Variants in UNC13B observed in about 807,000 individuals in gnomAD.
UNC13B encodes protein unc-13 homolog B.
Under a neutral mutation model 211.0 loss-of-function variants are expected in UNC13B, and 144 were observed. That is an observed-to-expected ratio of 0.68 (90% CI 0.60 to 0.78). The LOEUF (loss-of-function observed/expected upper bound fraction) is 0.78, where lower values mean the gene tolerates loss of function less well. UNC13B is among the 30% of genes least tolerant of loss of function. The pLI, the probability that UNC13B is intolerant of heterozygous loss-of-function variation, is 0.00. For synonymous variants in UNC13B, 709 were observed against 725.8 expected (o/e 0.98, Z 0.37); for missense variants, 1,777 against 2,002.0 (o/e 0.89, Z 2.14).
Position 35,378,363 on chromosome 9 carries a change from G to T in UNC13B, c.10132G>T (p.Val3378Phe). 1 of 1,614,160 alleles carries T rather than the reference G, an allele frequency of 6.2e-7. No homozygotes were observed. Among genetic ancestry groups the T allele is most frequent in the Non-Finnish European group, 8.5e-7 (1 of 1,180,020 alleles). The change falls in exon 17 of 40, where the codon GTC becomes TTC. Residue 3378 changes from valine to phenylalanine, a missense_variant. Transcript: ENST00000635942. ...CAGTGACCCTTACGTGACTGTGCAA[G>T]TCAGCAAAACTAAGAAGCGTACCAA... ...GSSDPYVTVQ[V>F]SKTKKRTKTI...
intron 11 of UNC13B, among the ~76,000 whole-genome samples, chr9:35,320,832 G>A (rs1285705315): frequency 1.3e-5 from 2 of 152,158 alleles, no homozygotes; most frequent in Non-Finnish European, 2.9e-5. Flanking sequence ...AGCCCAGTAT[G>A]GAATCTGGCA....
rs748767045 is a variant in UNC13B at position 35,398,982 on chromosome 9, G to T, written c.12022G>T (p.Ala4008Ser). 6.2e-7 allele frequency: 1 copy of T among 1,614,060 alleles called. No individual in the cohort carries two copies. Among genetic ancestry groups the T allele is most frequent in the Non-Finnish European group, 8.5e-7 (1 of 1,180,024 alleles). Residue 4008 changes from alanine to serine, a missense_variant, in exon 33 of 40, where the codon GCT (alanine) becomes TCT (serine). Coordinates refer to ENST00000635942, the MANE Select transcript of UNC13B (RefSeq NM_001371189.2). ...NASPDARASAAQDADSVLRPL... is the reference protein window; with the variant it reads ...NASPDARASASQDADSVLRPL... ...ATCTCCAGACGCCAGGGCCTCAGCG[G>T]CTCAGGATGCAGATAGCGTACTCCG...
At chr9:35,383,026 G>A (rs909349183) in intron 21 of UNC13B, among the ~76,000 whole-genome samples, 1 of 152,164 alleles carries the variant, frequency 6.6e-6, no homozygotes, top group Non-Finnish European at 1.5e-5. Flanking sequence ...AAGGTGGTTG[G>A]GGGTGGTACC....
chr9:35,347,965 C>T (rs180872376), intron 11 of UNC13B, among the ~76,000 whole-genome samples: 5 of 152,162 alleles, frequency 3.3e-5, no homozygotes, highest in East Asian at 1.9e-4. Context: ...GGGCTGGGCA[C>T]GGTGGCTCAC....
chr9:35,389,877 C>G lies in UNC13B; in HGVS notation c.11126C>G (p.Pro3709Arg). 1 of 1,614,134 alleles carries G rather than the reference C, an allele frequency of 6.2e-7. No homozygotes were observed. The highest frequency in any genetic ancestry group is 8.5e-7 in the Non-Finnish European group (1 of 1,180,006). The change falls in exon 25 of 40, where the codon CCC (proline) becomes CGC (arginine). Residue 3709 changes from proline (P) to arginine (R), a missense_variant. By Grantham distance (103) the Pro-to-Arg change is moderately radical. Coordinates refer to ENST00000635942, the MANE Select transcript of UNC13B (RefSeq NM_001371189.2). ...GAGCTACCTCCAGAGGAACAAGGGCCCAGCATTCGGAACCTGGATTTCTGG... is the reference window on the plus strand; with the variant it reads ...GAGCTACCTCCAGAGGAACAAGGGCGCAGCATTCGGAACCTGGATTTCTGG... ...KQELPPEEQG[P>R]SIRNLDFWPK...
At chr9:35,181,973 C>G (rs1351271782) in intron 1 of UNC13B, among the ~76,000 whole-genome samples, 2 of 152,124 alleles carry the variant, frequency 1.3e-5, no homozygotes, top group East Asian at 3.8e-4. Context: ...GATGGCTGGA[C>G]CTGCATCAGT....
At chr9:35,278,769 A>G (rs1290123637) in intron 7 of UNC13B, among the ~76,000 whole-genome samples, 2 of 152,158 alleles carry the variant, frequency 1.3e-5, no homozygotes, top group Non-Finnish European at 2.9e-5. Context: ...AAGGTACAAA[A>G]TTCGATGTAA....
chr9:35,349,364 AAAG>A (rs1381464013), intron 11 of UNC13B, among the ~76,000 whole-genome samples: 2 of 152,032 alleles, frequency 1.3e-5, no homozygotes, highest in Non-Finnish European at 2.9e-5. Context: ...AAAAAAAAAA[AAAG>A]GAGTATCTTT....
In UNC13B at chr9:35,381,683, T is replaced by C; in HGVS notation, c.10619T>C (p.Met3540Thr). Residue 3540 changes from methionine (M) to threonine (T), a missense_variant, in exon 20 of 40, where the codon ATG becomes ACG. By Grantham distance (81) the Met-to-Thr change is moderately conservative. Coordinates refer to ENST00000635942, the MANE Select transcript of UNC13B (RefSeq NM_001371189.2). ...TAQEIVDEFA[M>T]RYGIESIYQA... ...CAAGAAATTGTGGATGAATTTGCCA[T>C]GCGTTATGGCATTGAGTCCATATAT... 6.2e-7 allele frequency: 1 copy of C among 1,614,178 alleles called. No homozygotes were observed. Among genetic ancestry groups the C allele is most frequent in the Non-Finnish European group, 8.5e-7 (1 of 1,180,026 alleles).
intron 1 of UNC13B, among the ~76,000 whole-genome samples, chr9:35,192,588 C>T (rs1162796833): frequency 6.6e-6 from 1 of 152,122 alleles, no homozygotes; most frequent in Non-Finnish European, 1.5e-5. Context: ...ACTTGAGGGG[C>T]CCCTGAATAA....
At chr9:35,363,814 G>T (rs1833589557) in intron 11 of UNC13B, among the ~76,000 whole-genome samples, 1 of 152,178 alleles carries the variant, frequency 6.6e-6, no homozygotes, top group Non-Finnish European at 1.5e-5. Flanking sequence ...TTCTGGAAGT[G>T]TCAGTTTCCT....
At chr9:35,243,458 C>A in intron 6 of UNC13B, 94 bp downstream of exon 6, 3 of 1,286,466 alleles carry the variant, frequency 2.3e-6, no homozygotes, top group Non-Finnish European at 3.3e-6. Flanking sequence ...AGCATGTTGT[C>A]CTGAGAATGA....
chr9:35,256,576 ATC>A (rs1310663419), intron 6 of UNC13B, among the ~76,000 whole-genome samples: 1 of 152,080 alleles, frequency 6.6e-6, no homozygotes, highest in Non-Finnish European at 1.5e-5. Flanking sequence ...CTTTTTCTGC[ATC>A]TGTTTGATCA....
At chr9:35,296,010 T>C in intron 8 of UNC13B, 80 bp downstream of exon 8, 1 of 1,355,052 alleles carries the variant, frequency 7.4e-7, no homozygotes, top group Non-Finnish European at 1.0e-6. Flanking sequence ...TTTGGATGCT[T>C]TAACCTGAAG....
rs200739160 is a variant in UNC13B, at chr9:35,376,230, A to G, written c.9818A>G (p.Asn3273Ser). ...CATGAGAAGTGCCAGGATCTGCTCA[A>G]TGCTGACTGCCTGCAGCGTGAGTGC... The part of the protein sequence containing the change: ...KCHEKCQDLL[N>S]ADCLQRAAEK... Residue 3273 changes from asparagine (N) to serine (S), a missense_variant, in exon 15 of 40, where the codon AAT becomes AGT. Asn to Ser is a conservative substitution (Grantham distance 46). Coordinates refer to ENST00000635942, the MANE Select transcript of UNC13B (RefSeq NM_001371189.2). The G allele has an allele frequency of 8.7e-6, 14 of 1,613,828 alleles. No individual in the cohort carries two copies. The highest frequency in any genetic ancestry group is 4.5e-5 in the East Asian group (2 of 44,886).
At chr9:35,283,035 A>G (rs901734749) in intron 7 of UNC13B, among the ~76,000 whole-genome samples, 1 of 152,174 alleles carries the variant, frequency 6.6e-6, no homozygotes, top group Admixed American at 6.5e-5. Context: ...ATTTGTAGAC[A>G]TTTGGATTGT....
At chr9:35,174,764 T>G (rs551431298) in intron 1 of UNC13B, among the ~76,000 whole-genome samples, 16 of 152,300 alleles carry the variant, frequency 1.1e-4, no homozygotes, top group African/African-American at 3.8e-4. Flanking sequence ...TTAGCCAGGA[T>G]AGTCTCAATC....
At chr9:35,380,375 G>A (rs1049002439) in intron 17 of UNC13B, 95 bp from the exon 18 acceptor site, 1 of 1,361,298 alleles carries the variant, frequency 7.3e-7, no homozygotes, top group African/African-American at 1.4e-5. Flanking sequence ...AGGGCCTCAA[G>A]TGCAGCTGTC....
At chr9:35,194,961 A>T (rs1006946822) in intron 1 of UNC13B, among the ~76,000 whole-genome samples, 4 of 152,190 alleles carry the variant, frequency 2.6e-5, no homozygotes, top group African/African-American at 9.7e-5. Flanking sequence ...CTGGCGGCGG[A>T]TGTGCCGGAT....
Sources: gnomAD v4.1 joint callset for allele counts (sites outside exome capture counted in the v4.1 genomes callset) on GRCh38, gnomAD v4.1.1 for gene constraint, MANE v1.5 for transcripts, NCBI Gene and HGNC (gene_info 2026-07-23, HGNC 2026-07-21) for gene names.